Variants in KATNIP observed in about 807,000 individuals in gnomAD.
KATNIP encodes the protein katanin-interacting protein.
A neutral mutation model predicts 174.0 loss-of-function variants in KATNIP; 126 were observed. The ratio of observed to expected loss-of-function variants is 0.72; its 90% CI spans 0.63 to 0.84. The LOEUF is 0.84. Among genes scored for constraint, KATNIP ranks in the 40% least tolerant of loss-of-function variants. The pLI is 0.00. For missense variants in KATNIP, 1,958 were observed against 2,109.7 expected (o/e 0.93, Z 1.41); for synonymous variants, 810 against 835.7 (o/e 0.97, Z 0.53).
At chr16:27,668,125 CT>C (rs2077751609) in intron 6 of KATNIP, among the ~76,000 whole-genome samples, 1 of 152,224 alleles carries the variant, frequency 6.6e-6, no homozygotes. Flanking sequence ...CACTGTGCCC[CT>C]GACTTTCATC....
intron 1 of KATNIP, 124 bp downstream of exon 1, chr16:27,550,301 C>A: frequency 9.0e-7 from 1 of 1,107,650 alleles, no homozygotes; most frequent in Non-Finnish European, 1.3e-6. Flanking sequence ...AAGGGGGTCT[C>A]CGAAATGAGG....
chr16:27,574,204 A>C (rs1210128909), intron 2 of KATNIP: 2 of 502,188 alleles, frequency 4.0e-6, no homozygotes, highest in East Asian at 7.0e-5. Context: ...GTAACAAATC[A>C]TCCCAGATTT....
intron 5 of KATNIP, among the ~76,000 whole-genome samples, chr16:27,647,988 G>C (rs1567249586): frequency 6.6e-6 from 1 of 152,088 alleles, no homozygotes; most frequent in Non-Finnish European, 1.5e-5. Context: ...CCTACTAGAA[G>C]TCTACTGATA....
At chr16:27,661,388 G>A (rs2077468401) in intron 6 of KATNIP, among the ~76,000 whole-genome samples, 1 of 151,800 alleles carries the variant, frequency 6.6e-6, no homozygotes, top group African/African-American at 2.4e-5. Flanking sequence ...GGGTTTCTGG[G>A]TTTCTTTCTT....
intron 2 of KATNIP, among the ~76,000 whole-genome samples, chr16:27,608,151 A>C (rs961356056): frequency 6.6e-6 from 1 of 150,924 alleles, no homozygotes; most frequent in African/African-American, 2.4e-5. Context: ...AGTATAACTG[A>C]TTCTTGGCAT....
At chr16:27,722,009 A>G (rs750125808) in intron 14 of KATNIP, among the ~76,000 whole-genome samples, 1 of 152,244 alleles carries the variant, frequency 6.6e-6, no homozygotes, top group Non-Finnish European at 1.5e-5. Context: ...AGTCACAGCC[A>G]GTCAGTGTCA....
chr16:27,624,063 C>A (rs2076266817), intron 3 of KATNIP, among the ~76,000 whole-genome samples: 1 of 152,210 alleles, frequency 6.6e-6, no homozygotes, highest in South Asian at 2.1e-4. Flanking sequence ...TGGGTTAAAG[C>A]TCTGGCTCAG....
chr16:27,681,724 A>G (rs550435128), intron 8 of KATNIP, among the ~76,000 whole-genome samples, 194 bp downstream of exon 8: 3 of 152,362 alleles, frequency 2.0e-5, no homozygotes, highest in East Asian at 3.9e-4. Context: ...GAGAGAGCTT[A>G]GGATAAGGAA....
chr16:27,664,940 C>T (rs1050880486), intron 6 of KATNIP, among the ~76,000 whole-genome samples: 2 of 152,042 alleles, frequency 1.3e-5, no homozygotes, highest in Admixed American at 6.6e-5. Flanking sequence ...AGTGGGGGGC[C>T]GCTTTTAGGG....
chr16:27,751,722 C>G lies in KATNIP; in HGVS notation c.3350C>G (p.Pro1117Arg). Residue 1117 changes from proline (P) to arginine (R), a missense_variant, in exon 17 of 28, where the codon CCA becomes CGA. Transcript: ENST00000261588. ...TGTCATCTTGATAACCCATTAGCCCCAGAGCACTTTGGAGACACGATCTTA... is the reference window on the plus strand; with the variant it reads ...TGTCATCTTGATAACCCATTAGCCCGAGAGCACTTTGGAGACACGATCTTA... The part of the protein sequence containing the change: ...AKASGTLAGA[P>R]EHFGDTILFT... 1.2e-6 allele frequency: 2 copies of G among 1,614,166 alleles called. No homozygotes were observed. Among genetic ancestry groups the G allele is most frequent in the Non-Finnish European group, 1.7e-6 (2 of 1,179,992 alleles).
chr16:27,736,127 C>T (rs998358703), intron 14 of KATNIP, among the ~76,000 whole-genome samples: 8 of 152,200 alleles, frequency 5.3e-5, no homozygotes, highest in Non-Finnish European at 7.3e-5. Context: ...CTCAGCCTCC[C>T]GAGTAGCTGG....
At chr16:27,631,437 C>G (rs2076486407) in intron 5 of KATNIP, among the ~76,000 whole-genome samples, 1 of 151,706 alleles carries the variant, frequency 6.6e-6, no homozygotes, top group Non-Finnish European at 1.5e-5. Flanking sequence ...CCCAGCTACT[C>G]AGGAGGCTGA....
chr16:27,662,071 T>TATATATATATATATATATACAC (rs1403398316), intron 6 of KATNIP, among the ~76,000 whole-genome samples: 1 of 57,198 alleles, frequency 1.7e-5, no homozygotes, highest in African/African-American at 8.6e-5. Flanking sequence ...TATATATATA[T>TATATATATATATATATATACAC]ACACACATAT....
chr16:27,641,420 G>C (rs1426740880), intron 5 of KATNIP, among the ~76,000 whole-genome samples: 1 of 152,118 alleles, frequency 6.6e-6, no homozygotes, highest in Non-Finnish European at 1.5e-5. Flanking sequence ...CCCAGAACCA[G>C]TCACCCAATC....
chr16:27,750,042 C>T lies in KATNIP; in HGVS notation c.3082C>T (p.Pro1028Ser), dbSNP rs766105570. 6.2e-7 allele frequency: 1 copy of T among 1,614,158 alleles called. No homozygotes were observed. Among genetic ancestry groups the T allele is most frequent in the East Asian group, 2.2e-5 (1 of 44,872 alleles). The part of the protein sequence containing the change: ...INILPAYGKD[P>S]RVVTNLIDGV... ...TATTTTACCAGCCTATGGGAAAGAC[C>T]CCCGCGTGGTCACCAACCTCATCGA... The change falls in exon 16 of 28, where the codon CCC (proline) becomes TCC (serine). Residue 1028 changes from proline (P) to serine (S), a missense_variant. This residue lies in a region of KATNIP where 1,557 missense variants were observed against 1,617.8 expected (regional missense o/e 0.96). Coordinates refer to ENST00000261588, the MANE Select transcript of KATNIP (RefSeq NM_015202.5).
At chr16:27,562,509 C>T (rs1395204197) in intron 1 of KATNIP, among the ~76,000 whole-genome samples, 1 of 152,168 alleles carries the variant, frequency 6.6e-6, no homozygotes, top group East Asian at 1.9e-4. Context: ...TCCAACGTTT[C>T]TCAAGGCAGA....
rs181577615 is a variant in KATNIP, at chr16:27,659,579, A to G, written c.540+10844A>G. On this transcript the variant is annotated intron_variant, in intron 6 of 27. Transcript: ENST00000261588. ...TTTTGCATTGTTATTATATTAAGACAGTACTATGTTATGAAAATAAATATG... is the reference window on the plus strand; with the variant it reads ...TTTTGCATTGTTATTATATTAAGACGGTACTATGTTATGAAAATAAATATG... Among the ~76,000 whole-genome samples the G allele has an allele frequency of 2.9e-3, 444 of 152,304 alleles. 1 individual carries two copies. Among genetic ancestry groups the G allele is most frequent in the South Asian group, 7.5e-3 (36 of 4,822 alleles).
chr16:27,740,334 CA>C lies in KATNIP; in HGVS notation c.2041del (p.Arg681GlufsTer15). On this transcript the variant is annotated frameshift_variant, in exon 15 of 28. Coordinates refer to ENST00000261588, the MANE Select transcript of KATNIP (RefSeq NM_015202.5). LOFTEE classifies it high-confidence loss of function. ...KLSSQGNVSG[K>X]RKNSTNCRKD... ...TTTCTTCACAAGGAAATGTGTCTGG[CA>C]AAAGAAAGAATTCTACTAATTGCAG... is the stretch of plus-strand genomic sequence containing the variant. 6.2e-7 allele frequency: 1 copy of C among 1,614,222 alleles called. No homozygotes were observed. Among genetic ancestry groups the C allele is most frequent in the African/African-American group, 1.3e-5 (1 of 75,052 alleles).
intron 1 of KATNIP, among the ~76,000 whole-genome samples, chr16:27,550,687 T>G (rs898205681): frequency 1.9e-4 from 29 of 152,326 alleles, no homozygotes; most frequent in African/African-American, 7.0e-4. Flanking sequence ...TAAGTACTCT[T>G]GGGCAACACC....
Sources: allele counts gnomAD v4.1 joint callset (sites outside exome capture counted in the v4.1 genomes callset), GRCh38; gene constraint gnomAD v4.1.1; regional missense constraint gnomAD v4.1.1; transcripts MANE v1.5; gene names NCBI Gene and HGNC (gene_info 2026-07-23, HGNC 2026-07-21).